Variants in DOP1A observed in about 807,000 individuals in gnomAD.
DOP1A encodes the protein DOP1 leucine zipper like protein A, also known as protein DOP1A.
DOP1A carries 90 observed loss-of-function variants against 267.6 expected under a neutral mutation model. That is an observed-to-expected ratio of 0.34 (90% CI 0.28 to 0.40). The LOEUF is 0.40. Ranked by LOEUF, DOP1A falls within the 10% of genes least tolerant of loss-of-function variation. DOP1A has a pLI of 1.00. For missense variants in DOP1A, 2,437 were observed against 2,900.4 expected (o/e 0.84, Z 3.67); for synonymous variants, 932 against 999.1 (o/e 0.93, Z 1.27).
chr6:83,114,239 AAAT>A (rs1775040569), intron 7 of DOP1A, among the ~76,000 whole-genome samples: 1 of 152,148 alleles, frequency 6.6e-6, no homozygotes, highest in Non-Finnish European at 1.5e-5. Flanking sequence ...ATTAATAACT[AAAT>A]AATTCTACTC....
At chr6:83,077,953 G>A (rs191481906) in intron 1 of DOP1A, among the ~76,000 whole-genome samples, 1 of 152,266 alleles carries the variant, frequency 6.6e-6, no homozygotes, top group East Asian at 1.9e-4. Flanking sequence ...CTGGGCTGTG[G>A]GTTGGACAAG....
chr6:83,137,482 A>G lies in DOP1A; in HGVS notation c.3440A>G (p.Asp1147Gly). ...SQMPKESSPDDDVQQVVFDLI... is the reference protein window; with the variant it reads ...SQMPKESSPDGDVQQVVFDLI... The stretch of plus-strand genomic sequence containing the variant: ...ATGCCCAAGGAAAGCTCCCCAGATG[A>G]TGATGTTCAACAGGTAGTATTTGAC... The change falls in exon 21 of 39, where the codon GAT becomes GGT. Residue 1147 changes from aspartate to glycine, a missense_variant. Physicochemically the swap from Asp to Gly is moderately conservative, Grantham distance 94 (BLOSUM62 -1). Around this residue, in one of 9 missense-constraint regions of DOP1A, gnomAD observed 878 missense variants for 992.9 expected, o/e 0.88. Coordinates refer to ENST00000349129, the MANE Select transcript of DOP1A (RefSeq NM_015018.4). 1 of 1,613,796 alleles carries G rather than the reference A, an allele frequency of 6.2e-7. No homozygotes were observed. Among genetic ancestry groups the G allele is most frequent in the Non-Finnish European group, 8.5e-7 (1 of 1,179,838 alleles).
At chr6:83,086,047 A>T (rs1226605813) in intron 1 of DOP1A, among the ~76,000 whole-genome samples, 1 of 152,132 alleles carries the variant, frequency 6.6e-6, no homozygotes, top group Admixed American at 6.5e-5. Flanking sequence ...CAGTTAACAG[A>T]TGCTATTGGA....
chr6:83,153,500 T>C lies in DOP1A; in HGVS notation c.6130-11T>C. The C allele has an allele frequency of 6.4e-7, 1 of 1,564,540 alleles. No homozygotes were observed. The highest frequency in any genetic ancestry group is 1.2e-5 in the South Asian group (1 of 84,112). The stretch of plus-strand genomic sequence containing the variant: ...CTCATATGTTACTCTTCATTTTTTA[T>C]GTTTTCATAGGTTTTGGCTCATCTT... On this transcript the variant is annotated splice_polypyrimidine_tract_variant and intron_variant, in intron 30 of 38. Coordinates refer to ENST00000349129, the MANE Select transcript of DOP1A (RefSeq NM_015018.4).
chr6:83,083,424 A>C (rs1203013822), intron 1 of DOP1A, among the ~76,000 whole-genome samples: 2 of 151,718 alleles, frequency 1.3e-5, no homozygotes, highest in Non-Finnish European at 2.9e-5. Flanking sequence ...GTGGTTTAAA[A>C]AAAAAAAAAA....
chr6:83,116,185 C>T (rs903651199), intron 7 of DOP1A, among the ~76,000 whole-genome samples: 81 of 152,196 alleles, frequency 5.3e-4, no homozygotes, highest in African/African-American at 1.9e-3. Context: ...ACCAAAACTT[C>T]GAAGCTGTAG....
chr6:83,122,375 T>TTTG (rs552847096), intron 11 of DOP1A, among the ~76,000 whole-genome samples: 1 of 151,842 alleles, frequency 6.6e-6, no homozygotes, highest in Admixed American at 6.6e-5. Flanking sequence ...ACTAGTTGGT[T>TTTG]TTGTTGTTGT....
chr6:83,076,964 A>G lies in DOP1A; in HGVS notation c.-147+9185A>G, dbSNP rs940200053. On this transcript the variant is annotated intron_variant, in intron 1 of 38. Transcript: ENST00000349129. ...AAAAAAGGAAATTCTGACACATGCT[A>G]TAACATGGATGAATCTTGAGGACAT... 2.6e-5 allele frequency among the ~76,000 whole-genome samples: 4 copies of G among 152,260 alleles called. 1 individual carries two copies. Among genetic ancestry groups the G allele is most frequent in the Non-Finnish European group, 2.9e-5 (2 of 68,044 alleles).
At chr6:83,169,629 A>C, downstream of DOP1A, 1 of 462,360 alleles carries the variant, frequency 2.2e-6, no homozygotes, top group Admixed American at 2.7e-5. Context: ...CCTAACAGTA[A>C]GTAAGTACTA....
Position 83,162,863 on chromosome 6 carries a change from C to G in DOP1A, c.7036C>G (p.Arg2346Gly), listed in dbSNP as rs759331400. 4 of 1,613,412 alleles carry G rather than the reference C, an allele frequency of 2.5e-6. No homozygotes were observed. Among genetic ancestry groups the G allele is most frequent in the Non-Finnish European group, 3.4e-6 (4 of 1,179,538 alleles). Reference protein sequence around the residue: ...LEVRRQGIHQREFKPYVVRLA... With the variant: ...LEVRRQGIHQGEFKPYVVRLA... ...AGTCAGAAGGCAGGGTATACATCAA[C>G]GAGAATTTAAACCTTACGTGGTACG... The change falls in exon 38 of 39, where the codon CGA (arginine) becomes GGA (glycine). Residue 2346 changes from arginine to glycine, a missense_variant. Around this residue, in one of 9 missense-constraint regions of DOP1A, gnomAD observed 197 missense variants for 246.5 expected, o/e 0.80. Coordinates refer to ENST00000349129, the MANE Select transcript of DOP1A (RefSeq NM_015018.4).
intron 35 of DOP1A, among the ~76,000 whole-genome samples, chr6:83,157,547 A>G (rs1262140518): frequency 6.6e-6 from 1 of 152,186 alleles, no homozygotes; most frequent in East Asian, 1.9e-4. Context: ...CTTGTGAATG[A>G]TTACTTTCTT....
At chr6:83,074,809 T>A (rs1256799497) in intron 1 of DOP1A, among the ~76,000 whole-genome samples, 3 of 152,220 alleles carry the variant, frequency 2.0e-5, no homozygotes, top group African/African-American at 7.2e-5. Context: ...AGTGGCTCAT[T>A]TCCATAATCC....
chr6:83,093,211 T>C (rs1038226260), intron 1 of DOP1A, among the ~76,000 whole-genome samples: 11 of 152,242 alleles, frequency 7.2e-5, no homozygotes, highest in Admixed American at 2.0e-4. Flanking sequence ...CCAAACATAG[T>C]GCTTGGCACA....
intron 1 of DOP1A, among the ~76,000 whole-genome samples, chr6:83,095,820 A>T (rs897765735): frequency 2.0e-5 from 3 of 152,154 alleles, no homozygotes; most frequent in African/African-American, 4.8e-5. Context: ...TCTGCTTCTA[A>T]GGTGGCTTAC....
intron 7 of DOP1A, among the ~76,000 whole-genome samples, chr6:83,115,348 G>A (rs1200623149): frequency 2.6e-5 from 4 of 152,148 alleles, no homozygotes; most frequent in Non-Finnish European, 5.9e-5. Context: ...TGTAAATGGA[G>A]CTAATTAACA....
intron 1 of DOP1A, among the ~76,000 whole-genome samples, chr6:83,081,078 A>G (rs1767994457): frequency 6.6e-6 from 1 of 152,214 alleles, no homozygotes; most frequent in African/African-American, 2.4e-5. Context: ...GGAACAGAAT[A>G]GAGAGCCCAG....
chr6:83,154,087 G>A, intron 32 of DOP1A, 44 bp downstream of exon 32: 2 of 1,612,954 alleles, frequency 1.2e-6, no homozygotes, highest in South Asian at 2.2e-5. Flanking sequence ...GCACCTCACA[G>A]TCTGATGAAA....
chr6:83,070,507 A>G (rs1355190388), intron 1 of DOP1A, among the ~76,000 whole-genome samples: 2 of 152,202 alleles, frequency 1.3e-5, no homozygotes, highest in African/African-American at 4.8e-5. Context: ...AAGTTTTAGT[A>G]GATATATATG....
Position 83,145,181 on chromosome 6 carries a change from G to GTA in DOP1A, c.5542-334_5542-333dup, listed in dbSNP as rs1357771501. Among the ~76,000 whole-genome samples, 132 of 50,050 alleles carry GTA rather than the reference G, an allele frequency of 2.6e-3. 9 individuals carry two copies. The highest frequency in any genetic ancestry group is 7.3e-3 in the African/African-American group (53 of 7,300). The allele number at this position is 50,050 out of a possible 152,430, so 32.8% of individuals were successfully genotyped here. On this transcript the variant is annotated intron_variant, in intron 24 of 38. Coordinates refer to ENST00000349129, the MANE Select transcript of DOP1A (RefSeq NM_015018.4). ...ATATATATAATATATATATTTAAAA[G>GTA]TATATATATAATATATATATATAAT...
Sources: allele counts gnomAD v4.1 joint callset (sites outside exome capture counted in the v4.1 genomes callset), GRCh38; gene constraint gnomAD v4.1.1; regional missense constraint gnomAD v4.1.1; transcripts MANE v1.5; gene names NCBI Gene and HGNC (gene_info 2026-07-23, HGNC 2026-07-21).